The following BCAS1 variants were observed in gnomAD, a reference collection of about 807,000 sequenced individuals.
BCAS1 encodes the protein breast carcinoma-amplified sequence 1.
In BCAS1, 46 loss-of-function variants were observed where a neutral mutation model predicts 65.4. The ratio of observed to expected loss-of-function variants is 0.70; its 90% CI spans 0.55 to 0.90. The LOEUF (loss-of-function observed/expected upper bound fraction) is 0.90, where lower values mean the gene tolerates loss of function less well. Among genes scored for constraint, BCAS1 ranks in the 40% least tolerant of loss-of-function variants. The probability of loss-of-function intolerance (pLI) is 0.00; values close to 1 mark genes in which losing one functional copy is unlikely to be tolerated. For missense variants in BCAS1, 793 were observed against 771.2 expected (o/e 1.03, Z -0.33); for synonymous variants, 298 against 293.5 (o/e 1.02, Z -0.16).
Position 54,012,083 on chromosome 20 carries a change from G to T in BCAS1, c.724-16033C>A, listed in dbSNP as rs2091332516. On this transcript the variant is annotated intron_variant, in intron 4 of 12. Transcript: ENST00000688948. ...GTCGAAAAGGACCAATATCTACCAAGACACTCAGTGATTCGGATTAATTTC... is the reference window on the plus strand; with the variant it reads ...GTCGAAAAGGACCAATATCTACCAATACACTCAGTGATTCGGATTAATTTC... Among the ~76,000 whole-genome samples, 6 of 152,098 alleles carry T rather than the reference G, an allele frequency of 3.9e-5. No homozygotes were observed. The South Asian group carries it at 1.2e-3, about 32-fold the overall frequency.
Position 53,944,666 on chromosome 20 carries a change from GCTTGGTGAT to G in BCAS1, c.*247_*255del. ...CATTCCTCTATTCCCTCCCTTTCCT[GCTTGGTGAT>G]CATCGACTCTTCTGACCCAACTAGG... On this transcript the variant is annotated 3_prime_UTR_variant, in exon 13 of 13. Coordinates refer to ENST00000688948, the MANE Select transcript of BCAS1 (RefSeq NM_001366298.2). The G allele has an allele frequency of 2.2e-6, 1 of 454,718 alleles. No individual in the cohort carries two copies. The highest frequency in any genetic ancestry group is 4.1e-6 in the Non-Finnish European group (1 of 244,690). The allele number at this position is 454,718 out of a possible 1,614,324, so 28.2% of individuals were successfully genotyped here. A position where few individuals can be genotyped will look rare whatever the true frequency, so the allele number is the denominator to read the frequency against.
intron 4 of BCAS1, among the ~76,000 whole-genome samples, chr20:53,998,738 A>T (rs1302636140): frequency 6.6e-6 from 1 of 152,220 alleles, no homozygotes; most frequent in Admixed American, 6.5e-5. Context: ...TCTCTTTCCT[A>T]AGCTAGTATA....
intron 4 of BCAS1, among the ~76,000 whole-genome samples, chr20:54,019,486 C>T (rs1423049014): frequency 6.6e-6 from 1 of 152,212 alleles, no homozygotes; most frequent in Non-Finnish European, 1.5e-5. Context: ...TTGGAAAGTA[C>T]TATCACGCTG....
At position 53,995,039 on chromosome 20, in the gene BCAS1, A is replaced by C; in HGVS notation, c.900T>G (p.Ala300=). The change falls in exon 6 of 13, where the codon GCT becomes GCG. Residue 300 remains alanine (A), a synonymous_variant. Coordinates refer to ENST00000688948, the MANE Select transcript of BCAS1 (RefSeq NM_001366298.2). ...FFKTLVSPNK[A]ETKKDPEDTA... Reference sequence around the variant, plus strand: ...TGTCTTCTGGGTCCTTTTTTGTTTCAGCTTTGTTAGGTGAAACCTTAAAAG... The same window carrying C: ...TGTCTTCTGGGTCCTTTTTTGTTTCCGCTTTGTTAGGTGAAACCTTAAAAG... 1 of 1,613,318 alleles carries C rather than the reference A, an allele frequency of 6.2e-7. No homozygotes were observed. The highest frequency in any genetic ancestry group is 8.5e-7 in the Non-Finnish European group (1 of 1,179,570).
At chr20:53,996,235 T>G (rs542042113) in intron 4 of BCAS1, among the ~76,000 whole-genome samples, 185 bp from the exon 5 acceptor site, 1 of 152,232 alleles carries the variant, frequency 6.6e-6, no homozygotes, top group South Asian at 2.1e-4. Context: ...CTTTCTAACA[T>G]ATTCAGCATT....
At chr20:54,058,541 A>G (rs2092331786) in intron 2 of BCAS1, 106 bp downstream of exon 2, 3 of 1,517,146 alleles carry the variant, frequency 2.0e-6, no homozygotes, top group Admixed American at 2.2e-5. Context: ...CACAGACACA[A>G]TCAATCAGCA....
At chr20:53,981,044 A>T (rs1235617027) in intron 8 of BCAS1, among the ~76,000 whole-genome samples, 1 of 152,256 alleles carries the variant, frequency 6.6e-6, no homozygotes, top group Non-Finnish European at 1.5e-5. Flanking sequence ...ACCTATCCAT[A>T]GAAACTAGAA....
intron 3 of BCAS1, among the ~76,000 whole-genome samples, chr20:54,038,398 G>A (rs1363889947): frequency 6.6e-6 from 1 of 151,190 alleles, no homozygotes; most frequent in Non-Finnish European, 1.5e-5. Flanking sequence ...AAGTGGACCC[G>A]GACTTGGTCT....
chr20:53,992,757 C>T (rs1480228044), intron 6 of BCAS1, 111 bp from the exon 7 acceptor site: 21 of 1,049,832 alleles, frequency 2.0e-5, no homozygotes, highest in Admixed American at 2.7e-5. Flanking sequence ...ACTGTTGGTA[C>T]ACCATCCCCT....
At chr20:53,962,209 C>G (rs767956379) in intron 10 of BCAS1, among the ~76,000 whole-genome samples, 32 of 152,348 alleles carry the variant, frequency 2.1e-4, no homozygotes, top group Non-Finnish European at 1.0e-4. Context: ...ACAGACCACC[C>G]TCTTTCCACC....
chr20:54,056,037 G>A (rs962368202), intron 3 of BCAS1, among the ~76,000 whole-genome samples: 2 of 152,112 alleles, frequency 1.3e-5, no homozygotes, highest in Non-Finnish European at 1.5e-5. Context: ...AGGGGCTAAG[G>A]TCCAGGGAAA....
At chr20:54,042,918 G>T (rs2092026542) in intron 3 of BCAS1, among the ~76,000 whole-genome samples, 1 of 152,248 alleles carries the variant, frequency 6.6e-6, no homozygotes, top group Non-Finnish European at 1.5e-5. Flanking sequence ...GGGCTGATAG[G>T]CCAGGTGGGC....
At position 53,985,386 on chromosome 20, in the gene BCAS1, C is replaced by A; in HGVS notation, c.1176G>T (p.Gly392=). The change falls in exon 8 of 13, where the codon GGG becomes GGT. Residue 392 remains glycine (G), a synonymous_variant. Transcript: ENST00000688948. The part of the protein sequence containing the change: ...GKNSKGCNPS[G]HTQSVTTPEP... ...CAGGGGTTGTCACGGACTGTGTGTG[C>A]CCCGATGGGTTGCATCCTTTGGAAT... The A allele has an allele frequency of 6.2e-7, 1 of 1,614,018 alleles. No individual in the cohort carries two copies.
intron 12 of BCAS1, among the ~76,000 whole-genome samples, chr20:53,945,228 C>A (rs536406161): frequency 6.6e-6 from 1 of 152,056 alleles, no homozygotes; most frequent in East Asian, 1.9e-4. Flanking sequence ...CATCTCTTTG[C>A]GCTTTGGTTT....
chr20:53,957,432 T>C lies in BCAS1; in HGVS notation c.1551A>G (p.Gln517=). The C allele has an allele frequency of 6.2e-7, 1 of 1,613,328 alleles. No homozygotes were observed. Among genetic ancestry groups the C allele is most frequent in the Non-Finnish European group, 8.5e-7 (1 of 1,179,248 alleles). Residue 517 remains glutamine, a splice_region_variant and synonymous_variant, in exon 11 of 13, where the codon CAA becomes CAG. Transcript: ENST00000688948. ...EEINGKDSSC[Q]TSDSTEKTIT... is the part of the protein sequence containing the mutation. ...CCAAACTGAGTTCGAGGTCACTTAC[T>C]TGGCAGCTGGAGTCTTTCCCATTTA... is the stretch of plus-strand genomic sequence containing the variant.
At chr20:54,052,424 T>C (rs1048327047) in intron 3 of BCAS1, among the ~76,000 whole-genome samples, 3 of 152,226 alleles carry the variant, frequency 2.0e-5, no homozygotes, top group South Asian at 2.1e-4. Context: ...TGCTGTTGCA[T>C]TGATCAGTAG....
At chr20:54,048,507 GA>G (rs1234564948) in intron 3 of BCAS1, among the ~76,000 whole-genome samples, 2 of 151,042 alleles carry the variant, frequency 1.3e-5, no homozygotes, top group Admixed American at 6.6e-5. Context: ...AATACAAGGA[GA>G]AAAAAAAATG....
intron 7 of BCAS1, among the ~76,000 whole-genome samples, chr20:53,990,486 C>A (rs930344539): frequency 1.1e-4 from 16 of 152,060 alleles, no homozygotes; most frequent in African/African-American, 3.9e-4. Flanking sequence ...AGAAATAAAG[C>A]CCCAGAATTA....
rs565155688 is a variant in BCAS1, at chr20:54,007,834, T to C, written c.724-11784A>G. On this transcript the variant is annotated intron_variant, in intron 4 of 12. Coordinates refer to ENST00000688948, the MANE Select transcript of BCAS1 (RefSeq NM_001366298.2). Reference sequence around the variant, plus strand: ...TCTCACCAAGGACAATGAAGAACCCTGGACATTATAGAGAAAACATACATA... The same window carrying C: ...TCTCACCAAGGACAATGAAGAACCCCGGACATTATAGAGAAAACATACATA... 7.2e-5 allele frequency among the ~76,000 whole-genome samples: 11 copies of C among 152,312 alleles called. No individual in the cohort carries two copies. The South Asian group carries it at 2.3e-3, about 32-fold the overall frequency.
Sources: gnomAD v4.1 joint callset for allele counts (sites outside exome capture counted in the v4.1 genomes callset) on GRCh38, gnomAD v4.1.1 for gene constraint, MANE v1.5 for transcripts, NCBI Gene and HGNC (gene_info 2026-07-23, HGNC 2026-07-21) for gene names.